TNFRSF6B: variants seen among roughly 807,000 people sequenced by gnomAD.
TNFRSF6B encodes TNF receptor superfamily member 6b, also known as tumor necrosis factor receptor superfamily member 6B.
In TNFRSF6B, 23 loss-of-function variants were observed where a neutral mutation model predicts 17.9. That is an observed-to-expected ratio of 1.28 (90% CI 0.92 to 1.82). TNFRSF6B has a LOEUF of 1.82. TNFRSF6B is among the 40% of genes most tolerant of loss of function. TNFRSF6B has a pLI of 0.00. For missense variants in TNFRSF6B, 555 were observed against 437.2 expected, an observed-to-expected ratio of 1.27 and a Z score of -2.40; for synonymous variants, 291 against 195.8, an observed-to-expected ratio of 1.49 and a Z score of -4.06.
chr20:63,697,064 G>A lies in TNFRSF6B; in HGVS notation c.297G>A (p.Glu99=). The part of the protein sequence containing the change: ...RYCNVLCGER[E]EEARACHATH... ...GCAACGTCCTCTGCGGGGAGCGTGA[G>A]GAGGAGGCACGGGCTTGCCACGCCA... The change falls in exon 1 of 3, where the codon GAG becomes GAA. Residue 99 remains glutamate (E), a synonymous_variant. Coordinates refer to ENST00000369996, the MANE Select transcript of TNFRSF6B (RefSeq NM_003823.4). 6 of 1,606,892 alleles carry A rather than the reference G, an allele frequency of 3.7e-6. No homozygotes were observed. Among genetic ancestry groups the A allele is most frequent in the Non-Finnish European group, 5.1e-6 (6 of 1,179,074 alleles).
rs568375396 is a variant in TNFRSF6B at position 63,697,606 on chromosome 20, C to G, written c.619+84C>G. ...TCCTGCCCCTGCACGTGCATCTAGC[C>G]TGAGGCATGCCAGCTGGCTCTGGGA... On this transcript the variant is annotated intron_variant, in intron 2 of 2. Coordinates refer to ENST00000369996, the MANE Select transcript of TNFRSF6B (RefSeq NM_003823.4). 1.4e-4 allele frequency: 193 copies of G among 1,377,780 alleles called. 1 individual carries two copies. The African/African-American group carries it at 2.5e-3, about 18-fold the overall frequency. 85.3% of individuals were successfully genotyped at this position (1,377,780 alleles called of 1,614,324 possible).
In TNFRSF6B at chr20:63,697,366, C is replaced by T; in HGVS notation, c.463C>T (p.Pro155Ser). The T allele has an allele frequency of 6.2e-7, 1 of 1,612,164 alleles. No homozygotes were observed. Among genetic ancestry groups the T allele is most frequent in the Non-Finnish European group, 8.5e-7 (1 of 1,179,736 alleles). Residue 155 changes from proline to serine, a missense_variant, in exon 2 of 3, where the codon CCA (proline) becomes TCA (serine). By Grantham distance (74) the Pro-to-Ser change is moderately conservative (BLOSUM62 -1). Transcript: ENST00000369996. The stretch of plus-strand genomic sequence containing the variant: ...GAACACGCAGTGCCAGCCGTGCCCC[C>T]CAGGCACCTTCTCAGCCAGCAGCTC... Reference protein sequence around the residue: ...SQNTQCQPCPPGTFSASSSSS... With the variant: ...SQNTQCQPCPSGTFSASSSSS...
Position 63,696,660 on chromosome 20 carries a change from G to GCGGGC in TNFRSF6B, c.-105_-104insGCCGG. 7.8e-7 allele frequency: 1 copy of GCGGGC among 1,280,290 alleles called. No homozygotes were observed. Among genetic ancestry groups the GCGGGC allele is most frequent in the Non-Finnish European group, 1.0e-6 (1 of 958,098 alleles). The allele number at this position is 1,280,290 out of a possible 1,614,324, so 79.3% of individuals were successfully genotyped here. A position where few individuals can be genotyped will look rare whatever the true frequency, so the allele number is the denominator to read the frequency against. On this transcript the variant is annotated 5_prime_UTR_variant, in exon 1 of 3. Coordinates refer to ENST00000369996, the MANE Select transcript of TNFRSF6B (RefSeq NM_003823.4). ...CAGCAGGATGGGCTTCTGGACTTGG[G>GCGGGC]CGGCCCCTCCGCAGGCGGACCGGGG...
Position 63,698,496 on chromosome 20 carries a change from C to A in TNFRSF6B, c.836C>A (p.Ala279Glu). The A allele has an allele frequency of 1.3e-6, 2 of 1,547,186 alleles. No individual in the cohort carries two copies. Among genetic ancestry groups the A allele is most frequent in the South Asian group, 2.4e-5 (2 of 82,626 alleles). ...GCGCTGCTGGTGCGGCTGCTGCAGG[C>A]GCTGCGCGTGGCCAGGATGCCCGGG... Reference protein sequence around the residue: ...DGALLVRLLQALRVARMPGLE... With the variant: ...DGALLVRLLQELRVARMPGLE... Residue 279 changes from alanine to glutamate, a missense_variant, in exon 3 of 3, where the codon GCG (alanine) becomes GAG (glutamate). Coordinates refer to ENST00000369996, the MANE Select transcript of TNFRSF6B (RefSeq NM_003823.4).
At position 63,697,525 on chromosome 20, in the gene TNFRSF6B, G is replaced by A; in HGVS notation, c.619+3G>A. Reference sequence around the variant, plus strand: ...CCCCCTCAGCACCAGGGTACCAGGTGAGCCAGAGGCCTGAGGGGGCAGCAC... The same window carrying A: ...CCCCCTCAGCACCAGGGTACCAGGTAAGCCAGAGGCCTGAGGGGGCAGCAC... On this transcript the variant is annotated splice_donor_region_variant and intron_variant, in intron 2 of 2. Coordinates refer to ENST00000369996, the MANE Select transcript of TNFRSF6B (RefSeq NM_003823.4). The A allele has an allele frequency of 6.5e-7, 1 of 1,540,806 alleles. No individual in the cohort carries two copies. Among genetic ancestry groups the A allele is most frequent in the Non-Finnish European group, 8.8e-7 (1 of 1,139,494 alleles).
In TNFRSF6B at chr20:63,698,620, GC is replaced by G. The variant is rs1280531009; in HGVS notation, c.*58del. 1.4e-6 allele frequency: 2 copies of G among 1,415,460 alleles called. No individual in the cohort carries two copies. Among genetic ancestry groups the G allele is most frequent in the Non-Finnish European group, 1.8e-6 (2 of 1,082,172 alleles). 87.7% of individuals were successfully genotyped at this position (1,415,460 alleles called of 1,614,324 possible). A position where few individuals can be genotyped will look rare whatever the true frequency, so the allele number is the denominator to read the frequency against. On this transcript the variant is annotated 3_prime_UTR_variant, in exon 3 of 3. Coordinates refer to ENST00000369996, the MANE Select transcript of TNFRSF6B (RefSeq NM_003823.4). The stretch of plus-strand genomic sequence containing the variant: ...TGGCACCCCACTTGCACTGAAAGAG[GC>G]TTTTTTTTAAATAGAAGAAATGAGG...
In TNFRSF6B at chr20:63,696,929, A is replaced by G. The variant is rs1226882938; in HGVS notation, c.162A>G (p.Pro54=). The G allele has an allele frequency of 1.2e-6, 2 of 1,609,774 alleles. No homozygotes were observed. The highest frequency in any genetic ancestry group is 1.1e-5 in the South Asian group (1 of 90,848). ...GGCTGGTGTGCGCCCAGTGCCCCCC[A>G]GGCACCTTTGTGCAGCGGCCGTGCC... ...GERLVCAQCP[P]GTFVQRPCRR... The change falls in exon 1 of 3, where the codon CCA becomes CCG. Residue 54 remains proline (P), a synonymous_variant. Coordinates refer to ENST00000369996, the MANE Select transcript of TNFRSF6B (RefSeq NM_003823.4).
In TNFRSF6B at chr20:63,696,841, C is replaced by T. The variant is rs375326054; in HGVS notation, c.74C>T (p.Pro25Leu). The change falls in exon 1 of 3, where the codon CCG becomes CTG. Residue 25 changes from proline (P) to leucine (L), a missense_variant. By Grantham distance (98) the Pro-to-Leu change is moderately conservative. Coordinates refer to ENST00000369996, the MANE Select transcript of TNFRSF6B (RefSeq NM_003823.4). ...VLALPALLPV[P>L]AVRGVAETPT... is the part of the protein sequence containing the mutation. The stretch of plus-strand genomic sequence containing the variant: ...GCGCTGCCTGCCCTGCTGCCGGTGC[C>T]GGCTGTACGCGGAGTGGCAGAAACA... 1.0e-4 allele frequency: 162 copies of T among 1,611,082 alleles called. No individual in the cohort carries two copies. Among genetic ancestry groups the T allele is most frequent in the African/African-American group, 9.9e-4 (74 of 75,028 alleles).
Position 63,698,559 on chromosome 20 carries a change from A to G in TNFRSF6B, c.899A>G (p.His300Arg). Residue 300 changes from histidine to arginine, a missense_variant, in exon 3 of 3, where the codon CAC becomes CGC. Physicochemically the swap from His to Arg is conservative, Grantham distance 29 (BLOSUM62 0). Coordinates refer to ENST00000369996, the MANE Select transcript of TNFRSF6B (RefSeq NM_003823.4). ...RSVRERFLPVH is the reference protein window; with the variant it reads ...RSVRERFLPVR ...GTCCGTGAGCGCTTCCTCCCTGTGC[A>G]CTGATCCTGGCCCCCTCTTATTTAT... The G allele has an allele frequency of 6.6e-7, 1 of 1,504,066 alleles. No homozygotes were observed. The highest frequency in any genetic ancestry group is 1.5e-5 in the African/African-American group (1 of 67,822). The allele number at this position is 1,504,066 out of a possible 1,614,324, so 93.2% of individuals were successfully genotyped here.
chr20:63,697,479 G>C lies in TNFRSF6B; in HGVS notation c.576G>C (p.Leu192=). The change falls in exon 2 of 3, where the codon CTG becomes CTC. Residue 192 remains leucine (L), a synonymous_variant. Coordinates refer to ENST00000369996, the MANE Select transcript of TNFRSF6B (RefSeq NM_003823.4). ...CAGGCTCTTCCTCCCATGACACCCT[G>C]TGCACCAGCTGCACTGGCTTCCCCC... ...NVPGSSSHDT[L]CTSCTGFPLS... The C allele has an allele frequency of 1.3e-6, 2 of 1,575,236 alleles. No homozygotes were observed. Among genetic ancestry groups the C allele is most frequent in the East Asian group, 2.4e-5 (1 of 42,358 alleles).
rs1035940708 is a variant in TNFRSF6B, at chr20:63,697,475, C to A, written c.572C>A (p.Thr191Asn). The A allele has an allele frequency of 2.5e-6, 4 of 1,580,720 alleles. No homozygotes were observed. The African/African-American group carries it at 5.4e-5, about 21-fold the overall frequency. ...LNVPGSSSHDTLCTSCTGFPL... is the reference protein window; with the variant it reads ...LNVPGSSSHDNLCTSCTGFPL... ...GTGCCAGGCTCTTCCTCCCATGACA[C>A]CCTGTGCACCAGCTGCACTGGCTTC... The change falls in exon 2 of 3, where the codon ACC becomes AAC. Residue 191 changes from threonine (T) to asparagine (N), a missense_variant. Thr to Asn is a moderately conservative substitution (Grantham distance 65). Coordinates refer to ENST00000369996, the MANE Select transcript of TNFRSF6B (RefSeq NM_003823.4).
At chr20:63,697,266 A>G in intron 1 of TNFRSF6B, 62 bp from the exon 2 acceptor site, 1 of 1,559,636 alleles carries the variant, frequency 6.4e-7, no homozygotes, top group Admixed American at 1.9e-5. Context: ...TGCTGGTCCC[A>G]GCCTTGCACC....
chr20:63,698,596 G>A lies in TNFRSF6B; in HGVS notation c.*33G>A. 3.4e-6 allele frequency: 5 copies of A among 1,458,678 alleles called. No homozygotes were observed. Among genetic ancestry groups the A allele is most frequent in the East Asian group, 2.7e-5 (1 of 37,358 alleles). 90.4% of individuals were successfully genotyped at this position (1,458,678 alleles called of 1,614,324 possible). A position where few individuals can be genotyped will look rare whatever the true frequency, so the allele number is the denominator to read the frequency against. ...CCCCTCTTATTTATTCTACATCCTT[G>A]GCACCCCACTTGCACTGAAAGAGGC... On this transcript the variant is annotated 3_prime_UTR_variant, in exon 3 of 3. Coordinates refer to ENST00000369996, the MANE Select transcript of TNFRSF6B (RefSeq NM_003823.4).
chr20:63,698,613 G>C lies in TNFRSF6B; in HGVS notation c.*50G>C. The C allele has an allele frequency of 2.1e-6, 3 of 1,429,668 alleles. No homozygotes were observed. The highest frequency in any genetic ancestry group is 3.1e-5 in the South Asian group (2 of 63,808). 88.6% of individuals were successfully genotyped at this position (1,429,668 alleles called of 1,614,324 possible). Reference sequence around the variant, plus strand: ...ACATCCTTGGCACCCCACTTGCACTGAAAGAGGCTTTTTTTTAAATAGAAG... The same window carrying C: ...ACATCCTTGGCACCCCACTTGCACTCAAAGAGGCTTTTTTTTAAATAGAAG... On this transcript the variant is annotated 3_prime_UTR_variant, in exon 3 of 3. Transcript: ENST00000369996.
rs754718190 is a variant in TNFRSF6B at position 63,696,922 on chromosome 20, GC to G, written c.161del (p.Pro54GlnfsTer32). The G allele has an allele frequency of 1.2e-6, 2 of 1,610,148 alleles. No individual in the cohort carries two copies. The highest frequency in any genetic ancestry group is 1.1e-5 in the South Asian group (1 of 90,878). ...ETGERLVCAQ[C>X]PPGTFVQRPC... ...GGGGAGCGGCTGGTGTGCGCCCAGT[GC>G]CCCCCAGGCACCTTTGTGCAGCGGC... On this transcript the variant is annotated frameshift_variant, in exon 1 of 3. Coordinates refer to ENST00000369996, the MANE Select transcript of TNFRSF6B (RefSeq NM_003823.4). LOFTEE classifies it high-confidence loss of function.
chr20:63,696,946 G>A lies in TNFRSF6B; in HGVS notation c.179G>A (p.Arg60Gln), dbSNP rs769534113. Reference sequence around the variant, plus strand: ...TGCCCCCCAGGCACCTTTGTGCAGCGGCCGTGCCGCCGAGACAGCCCCACG... The same window carrying A: ...TGCCCCCCAGGCACCTTTGTGCAGCAGCCGTGCCGCCGAGACAGCCCCACG... ...AQCPPGTFVQ[R>Q]PCRRDSPTTC... Residue 60 changes from arginine (R) to glutamine (Q), a missense_variant, in exon 1 of 3, where the codon CGG becomes CAG. Physicochemically the swap from Arg to Gln is conservative, Grantham distance 43 (BLOSUM62 1). Transcript: ENST00000369996. 61 of 1,609,592 alleles carry A rather than the reference G, an allele frequency of 3.8e-5. 1 individual carries two copies. In the East Asian group the frequency reaches 7.4e-4, roughly 19 times the overall value.
chr20:63,696,898 G>C lies in TNFRSF6B; in HGVS notation c.131G>C (p.Gly44Ala), dbSNP rs776519069. ...TACCCCTGGCGGGACGCAGAGACAG[G>C]GGAGCGGCTGGTGTGCGCCCAGTGC... ...PTYPWRDAET[G>A]ERLVCAQCPP... is the part of the protein sequence containing the mutation. Residue 44 changes from glycine (G) to alanine (A), a missense_variant, in exon 1 of 3, where the codon GGG (glycine) becomes GCG (alanine). Coordinates refer to ENST00000369996, the MANE Select transcript of TNFRSF6B (RefSeq NM_003823.4). 3.1e-6 allele frequency: 5 copies of C among 1,610,842 alleles called. No homozygotes were observed. Among genetic ancestry groups the C allele is most frequent in the Non-Finnish European group, 4.2e-6 (5 of 1,179,230 alleles).
chr20:63,698,225 C>T, intron 2 of TNFRSF6B, 55 bp from the exon 3 acceptor site: 5 of 1,592,780 alleles, frequency 3.1e-6, no homozygotes, highest in Non-Finnish European at 4.3e-6. Flanking sequence ...CTGGCAGCCC[C>T]CGCCAGTGTG....
In TNFRSF6B at chr20:63,698,562, GATCCTGGCCCCCTCTTATTTATTCTAC is replaced by G. The variant is rs2091038052; in HGVS notation, c.*5_*31del. 1.3e-6 allele frequency: 2 copies of G among 1,492,446 alleles called. No homozygotes were observed. The highest frequency in any genetic ancestry group is 1.8e-6 in the Non-Finnish European group (2 of 1,127,632). 92.5% of individuals were successfully genotyped at this position (1,492,446 alleles called of 1,614,324 possible). ...CGTGAGCGCTTCCTCCCTGTGCACT[GATCCTGGCCCCCTCTTATTTATTCTAC>G]ATCCTTGGCACCCCACTTGCACTGA... On this transcript the variant is annotated stop_retained_variant and 3_prime_UTR_variant, in exon 3 of 3. Transcript: ENST00000369996.
Sources: allele counts gnomAD v4.1 joint callset, GRCh38; gene constraint gnomAD v4.1.1; transcripts MANE v1.5; gene names NCBI Gene and HGNC (gene_info 2026-07-23, HGNC 2026-07-21).